The following AGBL1 variants were observed in gnomAD, a reference collection of about 807,000 sequenced individuals.
AGBL1 encodes cytosolic carboxypeptidase 4.
Under a neutral mutation model 118.9 loss-of-function variants are expected in AGBL1, and 130 were observed. The ratio of observed to expected loss-of-function variants is 1.09; its 90% CI spans 0.95 to 1.26. The LOEUF (loss-of-function observed/expected upper bound fraction) is 1.26, where lower values mean the gene tolerates loss of function less well. AGBL1 is among the 50% of genes most tolerant of loss of function. The pLI, the probability that AGBL1 is intolerant of heterozygous loss-of-function variation, is 0.00. For missense variants in AGBL1, 1,584 were observed against 1,298.1 expected (o/e 1.22, Z -3.38); for synonymous variants, 555 against 478.9 (o/e 1.16, Z -2.08).
At chr15:86,191,418 A>C (rs377646034) in intron 5 of AGBL1, among the ~76,000 whole-genome samples, 1 of 151,860 alleles carries the variant, frequency 6.6e-6, no homozygotes, top group South Asian at 2.1e-4. Flanking sequence ...AAATGAAATT[A>C]ACAGAATAGA....
At chr15:86,734,025 A>C (rs1042134035) in intron 22 of AGBL1, among the ~76,000 whole-genome samples, 8 of 152,154 alleles carry the variant, frequency 5.3e-5, no homozygotes, top group Non-Finnish European at 1.0e-4. Flanking sequence ...ATCCCCTCTG[A>C]TACCCTCATG....
chr15:86,930,882 G>A (rs988627928), intron 23 of AGBL1, among the ~76,000 whole-genome samples: 1 of 152,142 alleles, frequency 6.6e-6, no homozygotes, highest in African/African-American at 2.4e-5. Context: ...CAATAGTCAA[G>A]GAAGTTAGAG....
chr15:86,142,205 T>A (rs1473770061), intron 2 of AGBL1, 138 bp downstream of exon 2: 3 of 808,992 alleles, frequency 3.7e-6, no homozygotes, highest in Non-Finnish European at 5.8e-6. Flanking sequence ...TAGCCCATCT[T>A]TTTTCTCTAA....
At chr15:86,190,071 C>T (rs1442772757) in intron 5 of AGBL1, among the ~76,000 whole-genome samples, 1 of 152,110 alleles carries the variant, frequency 6.6e-6, no homozygotes, top group African/African-American at 2.4e-5. Context: ...TCCTATGTCT[C>T]AAAGGACTAA....
rs141481543 is a variant in AGBL1 at position 86,680,833 on chromosome 15, C to T, written c.3158+6397C>T. On this transcript the variant is annotated intron_variant, in intron 22 of 22. Transcript: ENST00000614907. ...CCACCCACCTCAGCCTCCCAAAGTGCTGGGATTACAGGCGTGAGCCACTGC... is the reference window on the plus strand; with the variant it reads ...CCACCCACCTCAGCCTCCCAAAGTGTTGGGATTACAGGCGTGAGCCACTGC... Among the ~76,000 whole-genome samples, 264 of 152,090 alleles carry T rather than the reference C, an allele frequency of 1.7e-3. 4 individuals carry two copies. The East Asian group carries it at 0.022, about 13-fold the overall frequency.
chr15:86,559,452 A>T (rs538812205), intron 21 of AGBL1, among the ~76,000 whole-genome samples: 27 of 152,308 alleles, frequency 1.8e-4, no homozygotes, highest in African/African-American at 6.3e-4. Flanking sequence ...CATGATGAGG[A>T]AAATGAAAAG....
chr15:86,292,512 C>T (rs1242676691), intron 16 of AGBL1, among the ~76,000 whole-genome samples: 1 of 152,142 alleles, frequency 6.6e-6, no homozygotes, highest in Non-Finnish European at 1.5e-5. Context: ...GTTGTCTTAA[C>T]CTACAAAATT....
At chr15:86,443,216 C>T (rs949305920) in intron 18 of AGBL1, among the ~76,000 whole-genome samples, 6 of 152,218 alleles carry the variant, frequency 3.9e-5, no homozygotes, top group African/African-American at 1.4e-4. Context: ...CCAGATGGGA[C>T]TCATGGCTGC....
intron 22 of AGBL1, among the ~76,000 whole-genome samples, chr15:86,832,213 G>C (rs988658434): frequency 1.3e-5 from 2 of 152,224 alleles, no homozygotes; most frequent in Non-Finnish European, 2.9e-5. Flanking sequence ...AGACCTCTCA[G>C]ATGCCCTGGA....
intron 22 of AGBL1, among the ~76,000 whole-genome samples, chr15:86,829,230 G>A (rs2141411190): frequency 6.6e-6 from 1 of 152,184 alleles, no homozygotes; most frequent in South Asian, 2.1e-4. Flanking sequence ...TCTACCACTA[G>A]GTAAGAGGCA....
rs187383727 is a variant in AGBL1 at position 86,323,620 on chromosome 15, C to T, written c.2374+28212C>T. On this transcript the variant is annotated intron_variant, in intron 17 of 22. Transcript: ENST00000614907. ...ACTGCCAGTGCAAAATCCTGCTTGCCCTTTGGTGCTAAATGTGGTTTAAGT... is the reference window on the plus strand; with the variant it reads ...ACTGCCAGTGCAAAATCCTGCTTGCTCTTTGGTGCTAAATGTGGTTTAAGT... Among the ~76,000 whole-genome samples the T allele has an allele frequency of 1.3e-3, 204 of 152,194 alleles. 1 individual carries two copies. The highest frequency in any genetic ancestry group is 4.7e-3 in the African/African-American group (196 of 41,536).
Position 86,776,125 on chromosome 15 carries a change from A to T in AGBL1, c.3158+101689A>T, listed in dbSNP as rs1439547235. Among the ~76,000 whole-genome samples, 5 of 152,116 alleles carry T rather than the reference A, an allele frequency of 3.3e-5. No homozygotes were observed. The East Asian group carries it at 9.7e-4, about 29-fold the overall frequency. ...TTGTTCACTCAACATGTTGCGCTTG[A>T]GATTTTCAGGTTGATAAAAGTGAAC... is the stretch of plus-strand genomic sequence containing the variant. On this transcript the variant is annotated intron_variant, in intron 22 of 22. Transcript: ENST00000614907.
intron 1 of AGBL1, among the ~76,000 whole-genome samples, chr15:86,082,110 T>G (rs1413631711): frequency 6.6e-6 from 1 of 152,220 alleles, no homozygotes; most frequent in Non-Finnish European, 1.5e-5. Flanking sequence ...CACCAAGTGC[T>G]TCCCTAAGCC....
intron 22 of AGBL1, among the ~76,000 whole-genome samples, chr15:86,694,653 T>A (rs993861498): frequency 2.6e-5 from 4 of 151,904 alleles, no homozygotes; most frequent in Admixed American, 1.3e-4. Context: ...GTGGTGAGAG[T>A]GGTAATTCTT....
At chr15:86,897,718 C>CT (rs200601443) in intron 22 of AGBL1, among the ~76,000 whole-genome samples, 42 of 136,910 alleles carry the variant, frequency 3.1e-4, no homozygotes, top group South Asian at 1.2e-3. Flanking sequence ...TTTTAATCAC[C>CT]TTTTTTTTTC....
chr15:86,979,442 T>A (rs1370755651), intron 23 of AGBL1, among the ~76,000 whole-genome samples: 1 of 152,172 alleles, frequency 6.6e-6, no homozygotes, highest in Non-Finnish European at 1.5e-5. Flanking sequence ...CACAGGTAAG[T>A]GAGCCAATAA....
At chr15:86,961,922 T>C (rs2080997121) in intron 23 of AGBL1, among the ~76,000 whole-genome samples, 1 of 152,056 alleles carries the variant, frequency 6.6e-6, no homozygotes, top group Admixed American at 6.6e-5. Context: ...CAGCCAGGGC[T>C]ACTAAATAGA....
chr15:86,702,977 G>A (rs2086386251), intron 22 of AGBL1, among the ~76,000 whole-genome samples: 1 of 152,140 alleles, frequency 6.6e-6, no homozygotes, highest in Admixed American at 6.5e-5. Flanking sequence ...ACTTTTAAAT[G>A]ATTGGAGGAT....
chr15:86,763,023 T>C (rs1214711595), intron 22 of AGBL1, among the ~76,000 whole-genome samples: 1 of 152,006 alleles, frequency 6.6e-6, no homozygotes, highest in Non-Finnish European at 1.5e-5. Flanking sequence ...CTTAATTTTG[T>C]GTAAATGAAA....
Sources: allele counts gnomAD v4.1 joint callset (sites outside exome capture counted in the v4.1 genomes callset), GRCh38; gene constraint gnomAD v4.1.1; transcripts MANE v1.5; gene names NCBI Gene and HGNC (gene_info 2026-07-23, HGNC 2026-07-21).